The following ANK1 variants were observed in gnomAD, a reference collection of about 807,000 sequenced individuals.
The protein encoded by ANK1 is ankyrin 1.
In ANK1, 51 loss-of-function variants were observed where a neutral mutation model predicts 210.4. The observed-to-expected ratio is 0.24, with a 90% CI of 0.19 to 0.31. The LOEUF (loss-of-function observed/expected upper bound fraction) is 0.31, where lower values mean the gene tolerates loss of function less well. Among genes scored for constraint, ANK1 ranks in the 10% least tolerant of loss-of-function variants. The pLI is 1.00. For missense variants in ANK1, 2,051 were observed against 2,504.4 expected, an observed-to-expected ratio of 0.82 and a Z score of 3.86; for synonymous variants, 967 against 1,025.9, an observed-to-expected ratio of 0.94 and a Z score of 1.10.
intron 42 of ANK1, among the ~76,000 whole-genome samples, chr8:41,658,176 AGCC>A (rs1806446623): frequency 6.6e-6 from 1 of 152,158 alleles, no homozygotes; most frequent in African/African-American, 2.4e-5. Flanking sequence ...GGCCCTAGAC[AGCC>A]CTTTCACAAA....
At chr8:41,890,487 T>G (rs1466793712) in intron 1 of ANK1, among the ~76,000 whole-genome samples, 1 of 152,064 alleles carries the variant, frequency 6.6e-6, no homozygotes, top group East Asian at 1.9e-4. Context: ...GGCAGGCGGA[T>G]CACTTGAGGT....
intron 1 of ANK1, among the ~76,000 whole-genome samples, chr8:41,870,271 G>C (rs536728852): frequency 6.6e-6 from 1 of 151,224 alleles, no homozygotes; most frequent in African/African-American, 2.4e-5. Context: ...CTAAGTTTTT[G>C]CTTAAAAAAA....
In ANK1 at chr8:41,692,874, A is replaced by C; in HGVS notation, c.3632T>G (p.Phe1211Cys). ...AGTCCGAGGACAGTCCGACAGCCAA[A>C]ACCTAAAAAGTAGGGCGAGTTATGT... is the stretch of plus-strand genomic sequence containing the variant. ...ANFTTNVSAR[F>C]WLSDCPRTAE... The change falls in exon 31 of 43, where the codon TTT becomes TGT. Residue 1211 changes from phenylalanine (F) to cysteine (C), a missense_variant and splice_region_variant. Phe to Cys is a radical substitution (Grantham distance 205). Coordinates refer to ENST00000289734, the MANE Select transcript of ANK1 (RefSeq NM_000037.4). The C allele has an allele frequency of 1.9e-6, 3 of 1,613,784 alleles. No individual in the cohort carries two copies. The highest frequency in any genetic ancestry group is 2.5e-6 in the Non-Finnish European group (3 of 1,179,908).
At chr8:41,717,149 T>C (rs961422651) in intron 12 of ANK1, 98 bp from the exon 13 acceptor site, 55 of 1,342,822 alleles carry the variant, frequency 4.1e-5, no homozygotes, top group Non-Finnish European at 4.2e-6. Context: ...GCTTGGTGGG[T>C]TTTTGTCCAA....
At chr8:41,814,122 G>A (rs1802921517) in intron 1 of ANK1, among the ~76,000 whole-genome samples, 1 of 152,216 alleles carries the variant, frequency 6.6e-6, no homozygotes, top group African/African-American at 2.4e-5. Flanking sequence ...AGCACTTTGG[G>A]AGGCCGAGGC....
At position 41,694,646 on chromosome 8, in the gene ANK1, T is replaced by C. The variant is rs1188457325; in HGVS notation, c.3273A>G (p.Val1091=). ...GSLKSKLVPL[V]QATFPENAVT... ...CGGCATTCTCCGGGAACGTTGCCTG[T>C]ACCAGGGGCACCAGCTTGCTCTTCA... Residue 1091 remains valine (V), a synonymous_variant, in exon 28 of 43, where the codon GTA becomes GTG. Coordinates refer to ENST00000289734, the MANE Select transcript of ANK1 (RefSeq NM_000037.4). The surrounding 1 kb of genome is among the most constrained non-coding windows in gnomAD (Gnocchi z 5.7). 2 of 1,614,088 alleles carry C rather than the reference T, an allele frequency of 1.2e-6. No homozygotes were observed. The highest frequency in any genetic ancestry group is 3.3e-5 in the Admixed American group (2 of 60,028).
chr8:41,734,806 G>A (rs1833036418), intron 2 of ANK1, among the ~76,000 whole-genome samples: 2 of 152,070 alleles, frequency 1.3e-5, no homozygotes, highest in South Asian at 4.1e-4. Context: ...AGGGGGCTGA[G>A]GTGGGAGAAT....
At chr8:41,801,095 T>C (rs952644933), upstream of ANK1, among the ~76,000 whole-genome samples, 3 of 152,218 alleles carry the variant, frequency 2.0e-5, no homozygotes, top group Non-Finnish European at 2.9e-5. Flanking sequence ...TATCCCATTG[T>C]AGGCAAATAG....
In ANK1 at chr8:41,663,670, C is replaced by G; in HGVS notation, c.5467G>C (p.Val1823Leu). The change falls in exon 40 of 43, where the codon GTC (valine) becomes CTC (leucine). Residue 1823 changes from valine (V) to leucine (L), a missense_variant. Physicochemically the swap from Val to Leu is conservative, Grantham distance 32. Transcript: ENST00000289734. ...EQFTDEQGNI[V>L]TKKIIRKVVR... ...CACTCTGCACCCACCTTCTTGGTGA[C>G]AATGTTGCCCTGCTCATCCGTGAAT... The G allele has an allele frequency of 6.2e-7, 1 of 1,613,984 alleles. No individual in the cohort carries two copies. Among genetic ancestry groups the G allele is most frequent in the South Asian group, 1.1e-5 (1 of 91,082 alleles).
chr8:41,786,102 G>A (rs1402523252), intron 1 of ANK1, among the ~76,000 whole-genome samples: 2 of 152,202 alleles, frequency 1.3e-5, no homozygotes, highest in Non-Finnish European at 2.9e-5. Context: ...CTTGTAGCAG[G>A]TTCCTTTTGG....
intron 1 of ANK1, among the ~76,000 whole-genome samples, chr8:41,843,190 A>G (rs1014811061): frequency 3.3e-5 from 5 of 152,278 alleles, no homozygotes; most frequent in East Asian, 1.9e-4. Flanking sequence ...ATTGCCTTAA[A>G]TTTTTTATTT....
rs755007345 is a variant in ANK1 at position 41,661,939 on chromosome 8, G to T, written c.5481C>A (p.Ile1827=). The T allele has an allele frequency of 6.2e-7, 1 of 1,613,878 alleles. No homozygotes were observed. The highest frequency in any genetic ancestry group is 1.3e-5 in the African/African-American group (1 of 75,042). Residue 1827 remains isoleucine (I), a splice_region_variant and synonymous_variant, in exon 41 of 43, where the codon ATC becomes ATA. Coordinates refer to ENST00000289734, the MANE Select transcript of ANK1 (RefSeq NM_000037.4). ...DEQGNIVTKK[I]IRKVVRQIDL... Reference sequence around the variant, plus strand: ...CTATCTGTCGAACCACCTTGCGAATGATCTAGGAAAGGAAGGGAAGGAGGA... The same window carrying T: ...CTATCTGTCGAACCACCTTGCGAATTATCTAGGAAAGGAAGGGAAGGAGGA...
intron 1 of ANK1, among the ~76,000 whole-genome samples, chr8:41,849,807 C>T (rs1810869531): frequency 1.3e-5 from 2 of 152,194 alleles, no homozygotes; most frequent in South Asian, 4.1e-4. Flanking sequence ...TTTCTCTCTT[C>T]CTCTTAACTC....
intron 16 of ANK1, among the ~76,000 whole-genome samples, chr8:41,713,062 G>A (rs567603768): frequency 3.5e-4 from 53 of 152,322 alleles, no homozygotes; most frequent in African/African-American, 1.2e-3. Context: ...GGGAGAACGC[G>A]CCGAAGCCCT....
chr8:41,796,998 T>C (rs117559237), intron 1 of ANK1, among the ~76,000 whole-genome samples: 3,044 of 152,170 alleles, frequency 0.02, 36 homozygotes, highest in African/African-American at 0.028. Flanking sequence ...CAACATAAAT[T>C]AAAAGAACCG....
chr8:41,790,548 T>A (rs917145794), intron 1 of ANK1, among the ~76,000 whole-genome samples: 1 of 152,010 alleles, frequency 6.6e-6, no homozygotes, highest in Non-Finnish European at 1.5e-5. Context: ...CCAACACCTC[T>A]GCACCTCCCA....
At chr8:41,813,879 G>A (rs1802872049) in intron 1 of ANK1, among the ~76,000 whole-genome samples, 1 of 152,164 alleles carries the variant, frequency 6.6e-6, no homozygotes, top group South Asian at 2.1e-4. Context: ...TACCACATCA[G>A]TTGTTTGTTT....
intron 2 of ANK1, 44 bp from the exon 3 acceptor site, chr8:41,734,113 G>A (rs1331766858): frequency 6.4e-7 from 1 of 1,551,742 alleles, no homozygotes; most frequent in South Asian, 1.1e-5. Flanking sequence ...TAGTCAAATG[G>A]TGCTTTCTGC....
chr8:41,879,198 C>A (rs1208737788), intron 1 of ANK1, among the ~76,000 whole-genome samples: 43 of 152,170 alleles, frequency 2.8e-4, no homozygotes, highest in Admixed American at 2.8e-3. Context: ...AGAGCCGTGA[C>A]CTGGGGAATG....
Sources: gnomAD v4.1 joint callset for allele counts (sites outside exome capture counted in the v4.1 genomes callset) on GRCh38, gnomAD v4.1.1 for gene constraint, Gnocchi (gnomAD v3.1) non-coding constraint, MANE v1.5 for transcripts, NCBI Gene and HGNC (gene_info 2026-07-23, HGNC 2026-07-21) for gene names.